CDC14A: variants seen among roughly 807,000 people sequenced by gnomAD.
CDC14A encodes the protein cell division cycle 14A.
Under a neutral mutation model 74.4 loss-of-function variants are expected in CDC14A, and 53 were observed. The ratio of observed to expected loss-of-function variants is 0.71; its 90% CI spans 0.57 to 0.89. The LOEUF (loss-of-function observed/expected upper bound fraction) is 0.89. CDC14A is among the 40% of genes least tolerant of loss of function. The pLI, the probability that CDC14A is intolerant of heterozygous loss-of-function variation, is 0.00. For synonymous variants in CDC14A, 247 were observed against 258.4 expected (o/e 0.96, Z 0.43); for missense variants, 646 against 713.7 (o/e 0.91, Z 1.08).
chr1:100,415,738 C>T (rs1341884260), intron 4 of CDC14A, among the ~76,000 whole-genome samples: 1 of 152,154 alleles, frequency 6.6e-6, no homozygotes, highest in Non-Finnish European at 1.5e-5. Flanking sequence ...GTTTTAAATA[C>T]AGTTGTGTTT....
intron 15 of CDC14A, among the ~76,000 whole-genome samples, chr1:100,513,160 ACT>A (rs1319502013): frequency 2.0e-5 from 3 of 152,156 alleles, no homozygotes; most frequent in African/African-American, 4.8e-5. Flanking sequence ...AAAACTGGAA[ACT>A]CTATTACAAA....
intron 3 of CDC14A, among the ~76,000 whole-genome samples, chr1:100,378,428 T>C (rs1267859571): frequency 6.6e-6 from 1 of 152,328 alleles, no homozygotes; most frequent in Admixed American, 6.5e-5. Flanking sequence ...ATTATATTGC[T>C]CAGGTATTTT....
rs1650580158 is a variant in CDC14A at position 100,520,273 on chromosome 1, A to G, written c.*1993A>G. 6.6e-6 allele frequency: 1 copy of G among 152,530 alleles called. No individual in the cohort carries two copies. 9.4% of individuals were successfully genotyped at this position (152,530 alleles called of 1,614,324 possible). A position where few individuals can be genotyped will look rare whatever the true frequency, so the allele number is the denominator to read the frequency against. The stretch of plus-strand genomic sequence containing the variant: ...TAATAAATAATAAAAGTTTTATTCA[A>G]TTTACTTATTTTTTGGTGTTTATAA... On this transcript the variant is annotated 3_prime_UTR_variant, in exon 16 of 16. Transcript: ENST00000336454.
Position 100,353,911 on chromosome 1 carries a change from AACACT to A in CDC14A, c.140+61_140+65del, listed in dbSNP as rs1651506882. The A allele has an allele frequency of 4.3e-6, 4 of 926,580 alleles. No homozygotes were observed. In the South Asian group the frequency reaches 5.8e-5, roughly 13 times the overall value. The allele number at this position is 926,580 out of a possible 1,614,324, so 57.4% of individuals were successfully genotyped here. A position where few individuals can be genotyped will look rare whatever the true frequency, so the allele number is the denominator to read the frequency against. Reference sequence around the variant, plus strand: ...CATTCAGCTTGTTCTTTGACGAGGAAACACTATGCACTTTTATGGCAGTTTTATTC... The same window carrying A: ...CATTCAGCTTGTTCTTTGACGAGGAAATGCACTTTTATGGCAGTTTTATTC... On this transcript the variant is annotated intron_variant, in intron 2 of 15. Transcript: ENST00000336454.
chr1:100,416,516 A>G (rs1228340971), intron 4 of CDC14A, among the ~76,000 whole-genome samples: 1 of 152,188 alleles, frequency 6.6e-6, no homozygotes, highest in Non-Finnish European at 1.5e-5. Context: ...TAGGATCAAC[A>G]TCTGTACTCT....
chr1:100,431,813 G>C (rs1410166519), intron 5 of CDC14A, among the ~76,000 whole-genome samples: 1 of 151,552 alleles, frequency 6.6e-6, no homozygotes, highest in East Asian at 1.9e-4. Context: ...TCGTGCTGCT[G>C]TGACAGAATG....
intron 5 of CDC14A, among the ~76,000 whole-genome samples, chr1:100,433,448 C>A (rs1235682021): frequency 6.6e-6 from 1 of 152,162 alleles, no homozygotes; most frequent in Non-Finnish European, 1.5e-5. Flanking sequence ...CCTTTATGAT[C>A]CTTTCCAACC....
At chr1:100,380,914 C>T (rs1003278502) in intron 3 of CDC14A, among the ~76,000 whole-genome samples, 2 of 152,194 alleles carry the variant, frequency 1.3e-5, no homozygotes, top group African/African-American at 4.8e-5. Flanking sequence ...TTCTTTAATA[C>T]CTTGTCCAGC....
intron 15 of CDC14A, among the ~76,000 whole-genome samples, chr1:100,501,819 C>A (rs1451648006): frequency 6.6e-6 from 1 of 152,042 alleles, no homozygotes; most frequent in Non-Finnish European, 1.5e-5. Context: ...TATTGATTAT[C>A]CTGACCTGGT....
chr1:100,491,960 C>T (rs946495070), intron 11 of CDC14A, among the ~76,000 whole-genome samples: 6 of 150,606 alleles, frequency 4.0e-5, no homozygotes, highest in Non-Finnish European at 5.9e-5. Flanking sequence ...AACAGTGGCC[C>T]GCGAGGCTCA....
At chr1:100,504,364 C>T (rs1649050674) in intron 15 of CDC14A, among the ~76,000 whole-genome samples, 1 of 152,196 alleles carries the variant, frequency 6.6e-6, no homozygotes, top group African/African-American at 2.4e-5. Context: ...GTTGCTTCCT[C>T]ATCCCTGTTG....
intron 2 of CDC14A, among the ~76,000 whole-genome samples, chr1:100,356,676 A>G (rs1292629400): frequency 6.6e-6 from 1 of 151,920 alleles, no homozygotes; most frequent in Non-Finnish European, 1.5e-5. Context: ...CAACATGTTG[A>G]AACCCCGTCT....
chr1:100,399,370 G>C (rs759444516), intron 4 of CDC14A, among the ~76,000 whole-genome samples: 2 of 151,912 alleles, frequency 1.3e-5, no homozygotes, highest in Non-Finnish European at 2.9e-5. Context: ...TTTGTCTTTA[G>C]AGTGCCAGAA....
intron 4 of CDC14A, chr1:100,393,969 A>T: frequency 3.9e-6 from 1 of 256,940 alleles, no homozygotes; most frequent in Non-Finnish European, 7.4e-6. Context: ...AAAAATATAT[A>T]TATATATAGC....
intron 2 of CDC14A, among the ~76,000 whole-genome samples, chr1:100,373,490 G>A (rs1395305797): frequency 6.6e-6 from 1 of 152,218 alleles, no homozygotes; most frequent in African/African-American, 2.4e-5. Context: ...AGCACATGCT[G>A]TTGGAGAAAT....
At chr1:100,457,228 T>A (rs1284349714) in intron 8 of CDC14A, among the ~76,000 whole-genome samples, 3 of 152,242 alleles carry the variant, frequency 2.0e-5, no homozygotes, top group South Asian at 2.1e-4. Flanking sequence ...AAAGTTTTTA[T>A]GTATATAGAC....
At chr1:100,382,659 T>A (rs930801004) in intron 3 of CDC14A, among the ~76,000 whole-genome samples, 2 of 152,224 alleles carry the variant, frequency 1.3e-5, no homozygotes, top group African/African-American at 2.4e-5. Context: ...TTCTTTTTTT[T>A]AATACCTGCT....
At chr1:100,368,194 T>C (rs1653933631) in intron 2 of CDC14A, among the ~76,000 whole-genome samples, 1 of 152,234 alleles carries the variant, frequency 6.6e-6, no homozygotes, top group African/African-American at 2.4e-5. Flanking sequence ...TTGATCAGTA[T>C]TGTCCATCAG....
chr1:100,487,572 G>GAGACAA, intron 11 of CDC14A, among the ~76,000 whole-genome samples: 1 of 150,974 alleles, frequency 6.6e-6, no homozygotes, highest in South Asian at 2.1e-4. Context: ...AAACAAAACA[G>GAGACAA]AACAAAACAA....
Sources: gnomAD v4.1 joint callset for allele counts (sites outside exome capture counted in the v4.1 genomes callset) on GRCh38, gnomAD v4.1.1 for gene constraint, MANE v1.5 for transcripts, NCBI Gene and HGNC (gene_info 2026-07-23, HGNC 2026-07-21) for gene names.